Variants in MAST2 observed in about 807,000 individuals in gnomAD.
MAST2 encodes microtubule associated serine/threonine kinase 2.
A neutral mutation model predicts 147.4 loss-of-function variants in MAST2; 70 were observed. The observed-to-expected ratio is 0.47, with a 90% CI of 0.39 to 0.58. The LOEUF is 0.58. Ranked by LOEUF, MAST2 falls within the 20% of genes least tolerant of loss-of-function variation. The probability of loss-of-function intolerance (pLI) is 0.00; values close to 1 mark genes in which losing one functional copy is unlikely to be tolerated. For synonymous variants in MAST2, 869 were observed against 896.8 expected (o/e 0.97, Z 0.55); for missense variants, 2,080 against 2,302.3 (o/e 0.90, Z 1.98).
At chr1:45,814,827 T>G (rs1644405649) in intron 1 of MAST2, among the ~76,000 whole-genome samples, 1 of 152,226 alleles carries the variant, frequency 6.6e-6, no homozygotes, top group Non-Finnish European at 1.5e-5. Context: ...TTTGATTTGT[T>G]GGTGTTATTA....
chr1:45,863,214 C>T (rs1392368025), intron 3 of MAST2, among the ~76,000 whole-genome samples: 1 of 151,950 alleles, frequency 6.6e-6, no homozygotes, highest in African/African-American at 2.4e-5. Flanking sequence ...AATTAGAAGC[C>T]ACTCCTACTT....
chr1:45,847,478 C>G, intron 3 of MAST2: 1 of 681,670 alleles, frequency 1.5e-6, no homozygotes, highest in Non-Finnish European at 2.5e-6. Context: ...AACACAAGGC[C>G]TTTTCATTCT....
At chr1:45,821,960 C>T (rs1460042408) in intron 1 of MAST2, among the ~76,000 whole-genome samples, 1 of 126,328 alleles carries the variant, frequency 7.9e-6, no homozygotes, top group Admixed American at 1.1e-4. Context: ...GTGATTTCTG[C>T]TCACTGCAAC....
intron 4 of MAST2, among the ~76,000 whole-genome samples, chr1:45,904,335 G>A (rs1274892865): frequency 2.6e-5 from 4 of 151,790 alleles, no homozygotes; most frequent in South Asian, 2.1e-4. Context: ...CACCATGCCC[G>A]GTTAATTTTT....
chr1:45,956,371 G>A (rs1659662261), intron 4 of MAST2, among the ~76,000 whole-genome samples: 1 of 152,088 alleles, frequency 6.6e-6, no homozygotes, highest in African/African-American at 2.4e-5. Context: ...TACTGTGGGT[G>A]GTACAATGCC....
At chr1:46,033,135 G>A (rs1419514549) in intron 26 of MAST2, among the ~76,000 whole-genome samples, 10 of 152,086 alleles carry the variant, frequency 6.6e-5, no homozygotes, top group Non-Finnish European at 1.5e-4. Flanking sequence ...TTAGCCAAGC[G>A]TGGTGGTAGG....
At chr1:45,854,759 A>G (rs1557835925) in intron 3 of MAST2, among the ~76,000 whole-genome samples, 1 of 152,138 alleles carries the variant, frequency 6.6e-6, no homozygotes, top group African/African-American at 2.4e-5. Flanking sequence ...GTGCCTTATA[A>G]TTTAACTCAA....
chr1:45,891,596 A>G (rs1040758139), intron 4 of MAST2, among the ~76,000 whole-genome samples: 1 of 152,140 alleles, frequency 6.6e-6, no homozygotes, highest in Non-Finnish European at 1.5e-5. Context: ...TCTCTAAACA[A>G]TATGCATAGT....
At chr1:45,921,519 G>A (rs994511933) in intron 4 of MAST2, among the ~76,000 whole-genome samples, 2 of 152,204 alleles carry the variant, frequency 1.3e-5, no homozygotes, top group Non-Finnish European at 2.9e-5. Flanking sequence ...TGGCAAGTGA[G>A]CATAGGGTCC....
Position 46,034,693 on chromosome 1 carries a change from C to T in MAST2, c.4024C>T (p.Pro1342Ser). 1 of 1,614,184 alleles carries T rather than the reference C, an allele frequency of 6.2e-7. No individual in the cohort carries two copies. The part of the protein sequence containing the change: ...SPRRKSAGSI[P>S]LSPLAHTPSP... The stretch of plus-strand genomic sequence containing the variant: ...ACGGCGCAAGTCAGCAGGCAGCATC[C>T]CACTGTCACCACTGGCCCACACCCC... Residue 1342 changes from proline to serine, a missense_variant, in exon 29 of 29, where the codon CCA becomes TCA. Coordinates refer to ENST00000361297, the MANE Select transcript of MAST2 (RefSeq NM_015112.3).
chr1:45,992,470 A>C (rs982301050), intron 5 of MAST2, among the ~76,000 whole-genome samples: 1 of 152,114 alleles, frequency 6.6e-6, no homozygotes, highest in Non-Finnish European at 1.5e-5. Flanking sequence ...ATCTGTTTTC[A>C]TAAGAGGTAT....
At position 46,030,834 on chromosome 1, in the gene MAST2, C is replaced by G; in HGVS notation, c.2708+73C>G. 5 of 1,486,836 alleles carry G rather than the reference C, an allele frequency of 3.4e-6. No individual in the cohort carries two copies. The South Asian group carries it at 6.9e-5, about 20-fold the overall frequency. The allele number at this position is 1,486,836 out of a possible 1,614,324, so 92.1% of individuals were successfully genotyped here. On this transcript the variant is annotated intron_variant, in intron 22 of 28. Coordinates refer to ENST00000361297, the MANE Select transcript of MAST2 (RefSeq NM_015112.3). ...ATTGTCACAGATCATGGGAGAGATT[C>G]CGATGCCAGGGAGGAGTGCAGGTGG... is the stretch of plus-strand genomic sequence containing the variant.
intron 4 of MAST2, among the ~76,000 whole-genome samples, chr1:45,935,013 C>T (rs758572958): frequency 2.0e-5 from 3 of 152,196 alleles, no homozygotes; most frequent in Non-Finnish European, 2.9e-5. Flanking sequence ...TTTACAATTC[C>T]ACCAATAATG....
At chr1:45,884,240 G>A (rs999972314) in intron 4 of MAST2, among the ~76,000 whole-genome samples, 1 of 151,938 alleles carries the variant, frequency 6.6e-6, no homozygotes. Context: ...TGATCACTCA[G>A]TAAATACACA....
chr1:45,899,320 T>C (rs1360577934), intron 4 of MAST2, among the ~76,000 whole-genome samples: 1 of 148,634 alleles, frequency 6.7e-6, no homozygotes, highest in Non-Finnish European at 1.5e-5. Context: ...TTTTTTTTTT[T>C]TTTTTTTAGA....
intron 4 of MAST2, among the ~76,000 whole-genome samples, chr1:45,946,781 G>A (rs1658096109): frequency 1.3e-5 from 2 of 152,122 alleles, no homozygotes; most frequent in East Asian, 1.9e-4. Context: ...CTGATATAGG[G>A]TTGATAGTCA....
chr1:45,809,508 T>G (rs1182510982), intron 1 of MAST2, among the ~76,000 whole-genome samples: 4 of 152,104 alleles, frequency 2.6e-5, no homozygotes, highest in African/African-American at 9.7e-5. Flanking sequence ...TCGGGGTTGG[T>G]GGTGCGCGCC....
Position 45,824,404 on chromosome 1 carries a change from C to G in MAST2, c.178-29C>G. 3 of 1,550,862 alleles carry G rather than the reference C, an allele frequency of 1.9e-6. No homozygotes were observed. In the South Asian group the frequency reaches 3.6e-5, roughly 19 times the overall value. On this transcript the variant is annotated intron_variant, in intron 1 of 28. Transcript: ENST00000361297. The stretch of plus-strand genomic sequence containing the variant: ...TATACTTCAGAGGAGATATTAAAGA[C>G]TCATGTTTTACTCTTTTTCTCTTTG...
At chr1:45,882,221 G>C in intron 3 of MAST2, 143 bp from the exon 4 acceptor site, 1 of 537,258 alleles carries the variant, frequency 1.9e-6, no homozygotes, top group Admixed American at 3.6e-5. Flanking sequence ...TAAAATTTAA[G>C]AGGCAAAGAA....
Sources: gnomAD v4.1 joint callset for allele counts (sites outside exome capture counted in the v4.1 genomes callset) on GRCh38, gnomAD v4.1.1 for gene constraint, MANE v1.5 for transcripts, NCBI Gene and HGNC (gene_info 2026-07-23, HGNC 2026-07-21) for gene names.